The following DPYS variants were observed in gnomAD, a reference collection of about 807,000 sequenced individuals.
DPYS encodes dihydropyrimidine amidohydrolase.
In DPYS, 39 loss-of-function variants were observed where a neutral mutation model predicts 50.3. The ratio of observed to expected loss-of-function variants is 0.78; its 90% confidence interval spans 0.60 to 1.01. The LOEUF (loss-of-function observed/expected upper bound fraction) is 1.01. Among genes scored for constraint, DPYS ranks in the 50% least tolerant of loss-of-function variants. DPYS has a pLI of 0.00. For missense variants in DPYS, 659 were observed against 680.9 expected, an observed-to-expected ratio of 0.97 and a Z score of 0.36; for synonymous variants, 245 against 250.7, an observed-to-expected ratio of 0.98 and a Z score of 0.22.
chr8:104,414,523 T>A (rs1409974051), intron 7 of DPYS, among the ~76,000 whole-genome samples: 1 of 152,162 alleles, frequency 6.6e-6, no homozygotes, highest in Non-Finnish European at 1.5e-5. Context: ...GTAAATCAAC[T>A]TAAGTTTTTT....
chr8:104,411,580 G>C (rs978024962), intron 7 of DPYS, among the ~76,000 whole-genome samples: 1 of 152,172 alleles, frequency 6.6e-6, no homozygotes, highest in African/African-American at 2.4e-5. Flanking sequence ...GAGAGGGAAA[G>C]AGCATTGCAA....
chr8:104,408,423 A>G (rs945283180), intron 7 of DPYS, among the ~76,000 whole-genome samples: 18 of 152,220 alleles, frequency 1.2e-4, no homozygotes, highest in African/African-American at 4.1e-4. Flanking sequence ...CTCAATGACT[A>G]ATAAACATGA....
At chr8:104,457,402 ATTGT>A (rs1162401998) in intron 1 of DPYS, among the ~76,000 whole-genome samples, 4 of 152,132 alleles carry the variant, frequency 2.6e-5, no homozygotes, top group Non-Finnish European at 4.4e-5. Flanking sequence ...AAAACTTATG[ATTGT>A]TTATTTCTGG....
chr8:104,450,627 TG>T (rs1453007371), intron 2 of DPYS, among the ~76,000 whole-genome samples: 1 of 152,220 alleles, frequency 6.6e-6, no homozygotes, highest in Non-Finnish European at 1.5e-5. Flanking sequence ...GGGCAATTAG[TG>T]GACATGGAAG....
At chr8:104,399,264 C>T (rs2140536670) in intron 7 of DPYS, among the ~76,000 whole-genome samples, 1 of 138,184 alleles carries the variant, frequency 7.2e-6, no homozygotes, top group South Asian at 2.4e-4. Flanking sequence ...GAACTCCAGC[C>T]TGGGCAACAG....
rs1247782373 is a variant in DPYS, at chr8:104,392,915, G to A, written c.1312C>T (p.Leu438Phe). The change falls in exon 8 of 10, where the codon CTT becomes TTT. Residue 438 changes from leucine (L) to phenylalanine (F), a missense_variant. By Grantham distance (22) the Leu-to-Phe change is conservative (BLOSUM62 0). Transcript: ENST00000351513. ...FEGMVCHGVP[L>F]VTISRGKVVY... ...ACTTTGCCTCTTGAAATAGTCACAA[G>A]GGGCACCCCGTGGCAAACCATGCCC... 6.2e-7 allele frequency: 1 copy of A among 1,614,092 alleles called. No individual in the cohort carries two copies. The highest frequency in any genetic ancestry group is 8.5e-7 in the Non-Finnish European group (1 of 1,180,052).
chr8:104,450,922 T>C (rs985045071), intron 2 of DPYS, among the ~76,000 whole-genome samples: 2 of 152,180 alleles, frequency 1.3e-5, no homozygotes, highest in Admixed American at 6.5e-5. Context: ...ATATTGAATT[T>C]AAGAAAAAGA....
intron 1 of DPYS, 35 bp downstream of exon 1, chr8:104,466,622 G>A: frequency 1.3e-6 from 2 of 1,496,826 alleles, no homozygotes; most frequent in Non-Finnish European, 1.8e-6. Context: ...AGCCTCCGTG[G>A]GTACCGCGGG....
intron 8 of DPYS, among the ~76,000 whole-genome samples, chr8:104,384,348 C>G (rs1453613137): frequency 6.6e-6 from 1 of 152,196 alleles, no homozygotes; most frequent in Non-Finnish European, 1.5e-5. Flanking sequence ...CCTTCTTCAT[C>G]TTTGTGCTGT....
At chr8:104,405,693 T>C (rs1182982647) in intron 7 of DPYS, among the ~76,000 whole-genome samples, 1 of 152,230 alleles carries the variant, frequency 6.6e-6, no homozygotes, top group Admixed American at 6.5e-5. Context: ...ATGTAGTCAC[T>C]GTAACATCAC....
At chr8:104,444,932 C>G (rs1046730946) in intron 3 of DPYS, among the ~76,000 whole-genome samples, 41 of 152,120 alleles carry the variant, frequency 2.7e-4, no homozygotes, top group African/African-American at 9.2e-4. Flanking sequence ...AGTTAATAAT[C>G]TGATTTAAAA....
intron 1 of DPYS, among the ~76,000 whole-genome samples, chr8:104,454,124 G>A (rs970002625): frequency 2.0e-5 from 3 of 152,130 alleles, no homozygotes; most frequent in South Asian, 4.1e-4. Flanking sequence ...GGTGGCTGAC[G>A]CCTGTAATCC....
intron 1 of DPYS, among the ~76,000 whole-genome samples, chr8:104,464,330 T>C (rs1814273901): frequency 6.6e-6 from 1 of 152,170 alleles, no homozygotes; most frequent in Non-Finnish European, 1.5e-5. Flanking sequence ...CAAGAACCAC[T>C]TCCCAGGACC....
chr8:104,451,976 G>T (rs1327557881), intron 1 of DPYS, among the ~76,000 whole-genome samples: 15 of 152,046 alleles, frequency 9.9e-5, no homozygotes, highest in Non-Finnish European at 2.2e-4. Context: ...CTTGACTATT[G>T]TAAGAGTCCT....
At chr8:104,432,525 T>C (rs1812990670) in intron 4 of DPYS, among the ~76,000 whole-genome samples, 1 of 152,190 alleles carries the variant, frequency 6.6e-6, no homozygotes, top group Non-Finnish European at 1.5e-5. Flanking sequence ...AACATATTCA[T>C]AGAAATAAAT....
At chr8:104,435,695 G>T (rs1028094069) in intron 4 of DPYS, among the ~76,000 whole-genome samples, 1 of 152,030 alleles carries the variant, frequency 6.6e-6, no homozygotes, top group African/African-American at 2.4e-5. Flanking sequence ...AATGCTAAAA[G>T]AAAATATCAA....
Position 104,396,281 on chromosome 8 carries a change from A to T in DPYS, c.1236-3290T>A, listed in dbSNP as rs527409222. 7.9e-5 allele frequency among the ~76,000 whole-genome samples: 12 copies of T among 152,352 alleles called. No individual in the cohort carries two copies. In the South Asian group the frequency reaches 2.3e-3, roughly 29 times the overall value. On this transcript the variant is annotated intron_variant, in intron 7 of 9. Coordinates refer to ENST00000351513, the MANE Select transcript of DPYS (RefSeq NM_001385.3). ...CTATATAAAGAAGATTTTTGGACTG[A>T]TGCATTAGTAAGGTTGCTATATGAA...
At chr8:104,391,557 T>C (rs1389363615) in intron 8 of DPYS, among the ~76,000 whole-genome samples, 1 of 152,146 alleles carries the variant, frequency 6.6e-6, no homozygotes, top group Non-Finnish European at 1.5e-5. Context: ...TATTTTAGTG[T>C]ATTTGGTGTA....
At chr8:104,389,987 A>T (rs1435544252) in intron 8 of DPYS, among the ~76,000 whole-genome samples, 2 of 152,246 alleles carry the variant, frequency 1.3e-5, no homozygotes, top group African/African-American at 4.8e-5. Context: ...GAAACCAGTG[A>T]TTTGATGATC....
Sources: allele counts gnomAD v4.1 joint callset (sites outside exome capture counted in the v4.1 genomes callset), GRCh38; gene constraint gnomAD v4.1.1; transcripts MANE v1.5; gene names NCBI Gene and HGNC (gene_info 2026-07-23, HGNC 2026-07-21).